Variants in ACOT11 observed in about 807,000 individuals in gnomAD.
ACOT11 encodes acyl-CoA thioesterase 11, also known as acyl-coenzyme A thioesterase 11.
Under a neutral mutation model 77.5 loss-of-function variants are expected in ACOT11, and 69 were observed. That is an observed-to-expected ratio of 0.89 (90% CI 0.73 to 1.09). ACOT11 has a LOEUF of 1.09. Ranked by LOEUF, ACOT11 falls within the 50% of genes least tolerant of loss-of-function variation. ACOT11 has a pLI of 0.00. For missense variants in ACOT11, 766 were observed against 813.7 expected (o/e 0.94, Z 0.71); for synonymous variants, 279 against 313.0 (o/e 0.89, Z 1.15).
intron 1 of ACOT11, among the ~76,000 whole-genome samples, chr1:54,549,221 T>G (rs1652979793): frequency 6.6e-6 from 1 of 152,152 alleles, no homozygotes; most frequent in South Asian, 2.1e-4. Context: ...ACTGGAGGGA[T>G]GCTTCTAAAA....
At position 54,593,952 on chromosome 1, in the gene ACOT11, G is replaced by A. The variant is rs1654804415; in HGVS notation, c.384G>A (p.Gln128=). The A allele has an allele frequency of 6.2e-7, 1 of 1,614,118 alleles. No homozygotes were observed. The highest frequency in any genetic ancestry group is 1.3e-5 in the African/African-American group (1 of 75,062). The change falls in exon 5 of 16, where the codon CAG becomes CAA. Residue 128 remains glutamine, a synonymous_variant. Coordinates refer to ENST00000343744, the MANE Select transcript of ACOT11 (RefSeq NM_147161.4). ...AFNSSMEVGI[Q]VASEDLCSEK... ...CTGTTCCTCTCCAGGTGGGCATCCA[G>A]GTGGCCTCGGAGGACCTGTGCTCTG... is the stretch of plus-strand genomic sequence containing the variant.
rs1456335077 is a variant in ACOT11, at chr1:54,610,294, G to A, written c.*1182G>A. On this transcript the variant is annotated 3_prime_UTR_variant, in exon 16 of 16. Coordinates refer to ENST00000343744, the MANE Select transcript of ACOT11 (RefSeq NM_147161.4). ...GCAACCCTGCCCCACCTTGCATCCA[G>A]GGTATGGTGTAAATAAACCTGTGTT... 7 of 1,522,318 alleles carry A rather than the reference G, an allele frequency of 4.6e-6. No individual in the cohort carries two copies. Among genetic ancestry groups the A allele is most frequent in the Non-Finnish European group, 6.1e-6 (7 of 1,138,792 alleles). 94.3% of individuals were successfully genotyped at this position (1,522,318 alleles called of 1,614,324 possible).
intron 1 of ACOT11, chr1:54,573,069 C>T (rs552653476): frequency 1.8e-4 from 180 of 985,432 alleles, no homozygotes; most frequent in Non-Finnish European, 2.1e-4. Flanking sequence ...CGGCCTCCTG[C>T]AGAGGACATA....
At chr1:54,611,882 C>G, downstream of ACOT11, 1 of 964,112 alleles carries the variant, frequency 1.0e-6, no homozygotes, top group Non-Finnish European at 1.5e-6. Context: ...CCACTTCTCC[C>G]TGAGTCCTAC....
In ACOT11 at chr1:54,607,451, G is replaced by A. The variant is rs1191152954; in HGVS notation, c.1502+186G>A. ...TTTACTATGGGTAAAATGAGGGATA[G>A]GGGCACACATTTCCCCTCTTGTCGC... is the stretch of plus-strand genomic sequence containing the variant. On this transcript the variant is annotated intron_variant, in intron 14 of 15. Coordinates refer to ENST00000343744, the MANE Select transcript of ACOT11 (RefSeq NM_147161.4). This position sits in a 1 kb window ranked among gnomAD's most constrained non-coding sequence, Gnocchi z 4.5. Among the ~76,000 whole-genome samples the A allele has an allele frequency of 6.6e-6, 1 of 152,100 alleles. No individual in the cohort carries two copies. The highest frequency in any genetic ancestry group is 1.9e-4 in the East Asian group (1 of 5,174).
At chr1:54,575,832 G>A (rs1380016741) in intron 1 of ACOT11, among the ~76,000 whole-genome samples, 3 of 152,200 alleles carry the variant, frequency 2.0e-5, no homozygotes, top group African/African-American at 4.8e-5. Flanking sequence ...GGAGTGGCAC[G>A]GGCAAAGGCC....
intron 15 of ACOT11, among the ~76,000 whole-genome samples, chr1:54,630,065 A>AT (rs577717308): frequency 3.8e-5 from 5 of 132,184 alleles, no homozygotes; most frequent in African/African-American, 1.3e-4. Context: ...ATGCCTGGCT[A>AT]TTTTTTTGTA....
rs1361418583 is a variant in ACOT11, at chr1:54,607,871, G to A, written c.1503-71G>A. ...TAGAGGGGGCAGGGTCTCGGCCTTG[G>A]TTGGGCAGAACAGGCCCCCACTTTC... On this transcript the variant is annotated intron_variant, in intron 14 of 15. Coordinates refer to ENST00000343744, the MANE Select transcript of ACOT11 (RefSeq NM_147161.4). The surrounding 1 kb of genome is among the most constrained non-coding windows in gnomAD (Gnocchi z 4.5). The A allele has an allele frequency of 1.1e-5, 18 of 1,592,758 alleles. No individual in the cohort carries two copies. The Admixed American group carries it at 2.6e-4, about 23-fold the overall frequency.
Position 54,584,669 on chromosome 1 carries a change from G to T in ACOT11, c.48G>T (p.Val16=). 1 of 1,614,142 alleles carries T rather than the reference G, an allele frequency of 6.2e-7. No individual in the cohort carries two copies. ...CTGTACCCCAGGGCTTGGCCTCTGTGTTCTCCAACCGCACATCCCGGAAGT... is the reference window on the plus strand; with the variant it reads ...CTGTACCCCAGGGCTTGGCCTCTGTTTTCTCCAACCGCACATCCCGGAAGT... ...GNHLRRGLAS[V]FSNRTSRKSA... is the part of the protein sequence containing the mutation. Residue 16 remains valine (V), a synonymous_variant, in exon 2 of 16, where the codon GTG becomes GTT. Coordinates refer to ENST00000343744, the MANE Select transcript of ACOT11 (RefSeq NM_147161.4). The surrounding 1 kb of genome is among the most constrained non-coding windows in gnomAD (Gnocchi z 6.3).
chr1:54,630,523 T>C (rs1467862676), intron 15 of ACOT11, among the ~76,000 whole-genome samples: 1 of 152,258 alleles, frequency 6.6e-6, no homozygotes, highest in Non-Finnish European at 1.5e-5. Context: ...GGCGTGTTCC[T>C]GCTGCAATTA....
intron 1 of ACOT11, among the ~76,000 whole-genome samples, chr1:54,571,365 A>T (rs1653925667): frequency 6.6e-6 from 1 of 152,036 alleles, no homozygotes; most frequent in African/African-American, 2.4e-5. Context: ...AAATATGGGG[A>T]TGGGAGTGGA....
intron 1 of ACOT11, among the ~76,000 whole-genome samples, chr1:54,552,843 T>TG (rs1653118406): frequency 2.0e-5 from 3 of 149,978 alleles, no homozygotes; most frequent in Non-Finnish European, 3.0e-5. Context: ...TTTTTTTTTT[T>TG]TGAGACGGAG....
chr1:54,615,361 G>A (rs1239203840), intron 15 of ACOT11, among the ~76,000 whole-genome samples: 1 of 152,166 alleles, frequency 6.6e-6, no homozygotes, highest in Non-Finnish European at 1.5e-5. Context: ...GCCAGGCCAA[G>A]ATCACACTTT....
intron 1 of ACOT11, among the ~76,000 whole-genome samples, chr1:54,581,181 T>G (rs1302706334): frequency 6.6e-6 from 1 of 152,274 alleles, no homozygotes; most frequent in Non-Finnish European, 1.5e-5. Flanking sequence ...TGAGTTGGAT[T>G]TGCTTTTTGG....
chr1:54,566,562 A>G (rs1653740652), intron 1 of ACOT11, among the ~76,000 whole-genome samples: 1 of 151,948 alleles, frequency 6.6e-6, no homozygotes, highest in Non-Finnish European at 1.5e-5. Context: ...CCCGAACCTT[A>G]GTAGCTTAAA....
chr1:54,625,097 C>G (rs537990338), intron 15 of ACOT11, among the ~76,000 whole-genome samples: 1 of 97,704 alleles, frequency 1.0e-5, no homozygotes, highest in East Asian at 3.4e-4. Flanking sequence ...ATTCAACACC[C>G]CCTCCCCACC....
At chr1:54,613,344 A>G (rs1644138733), downstream of ACOT11, among the ~76,000 whole-genome samples, 1 of 151,932 alleles carries the variant, frequency 6.6e-6, no homozygotes, top group South Asian at 2.1e-4. Context: ...GTGCCATTGC[A>G]TTCCAACTTG....
At chr1:54,606,304 T>G (rs1223812554) in intron 13 of ACOT11, among the ~76,000 whole-genome samples, 1 of 152,108 alleles carries the variant, frequency 6.6e-6, no homozygotes, top group Non-Finnish European at 1.5e-5. Flanking sequence ...GACCAAATCT[T>G]GATACTTGAT....
At position 54,599,402 on chromosome 1, in the gene ACOT11, GC is replaced by G. The variant is rs1227854196; in HGVS notation, c.873del (p.Phe292SerfsTer30). The G allele has an allele frequency of 6.2e-7, 1 of 1,604,468 alleles. No individual in the cohort carries two copies. On this transcript the variant is annotated frameshift_variant, in exon 8 of 16. Coordinates refer to ENST00000343744, the MANE Select transcript of ACOT11 (RefSeq NM_147161.4). LOFTEE classifies it high-confidence loss of function. ...GGTGCTCAAAGCCATCGTGAACAAT[GC>G]CTTCAAACATAGGTGAGGGTCTGGG... The part of the protein sequence containing the change: ...RLVLKAIVNN[A>X]FKHSMEVGVC...
Sources: gnomAD v4.1 joint callset for allele counts (sites outside exome capture counted in the v4.1 genomes callset) on GRCh38, gnomAD v4.1.1 for gene constraint, Gnocchi (gnomAD v3.1) non-coding constraint, MANE v1.5 for transcripts, NCBI Gene and HGNC (gene_info 2026-07-23, HGNC 2026-07-21) for gene names.